Variants in PCA3 observed in about 807,000 individuals in gnomAD.
The protein encoded by PCA3 is Differential Display code 3.
chr9:76,775,473 T>C (rs375422752), intron 2 of PCA3, among the ~76,000 whole-genome samples: 4 of 72,658 alleles, frequency 5.5e-5, no homozygotes, highest in African/African-American at 4.9e-5. Flanking sequence ...ATTTTTGTGG[T>C]TTTTTTTTGT....
chr9:76,779,915 C>T (rs1361873881), intron 2 of PCA3: 2 of 152,130 alleles, frequency 1.3e-5, no homozygotes, highest in Non-Finnish European at 2.9e-5. Context: ...ACAAAGAAAT[C>T]GCATAAGGGC....
intron 2 of PCA3, among the ~76,000 whole-genome samples, chr9:76,765,322 A>G (rs2052228381): frequency 6.6e-6 from 1 of 152,208 alleles, no homozygotes; most frequent in African/African-American, 2.4e-5. Flanking sequence ...CATCAAGGAG[A>G]AGGAAGTAGT....
chr9:76,786,094 G>A (rs1311138556), intron 2 of PCA3: 1 of 152,150 alleles, frequency 6.6e-6, no homozygotes, highest in Non-Finnish European at 1.5e-5. Context: ...CAGGCGGTTT[G>A]AGAAATATTC....
At position 76,774,463 on chromosome 9, in the gene PCA3, T is replaced by TA. The variant is rs1487883612; in HGVS notation, n.853-34120_853-34119insA. On this transcript the variant is annotated intron_variant and non_coding_transcript_variant, in intron 2 of 5. Transcript: ENST00000644657. The stretch of plus-strand genomic sequence containing the variant: ...TCCAGTTCAACCCTTTTTTTTTTTT[T>TA]TTTTTTTTTTTTTTGAGATGGAGTC... Among the ~76,000 whole-genome samples the TA allele has an allele frequency of 4.9e-3, 687 of 141,092 alleles. 11 individuals carry two copies. Among genetic ancestry groups the TA allele is most frequent in the Admixed American group, 6.9e-3 (96 of 14,000 alleles). 92.6% of individuals were successfully genotyped at this position (141,092 alleles called of 152,430 possible). A position where few individuals can be genotyped will look rare whatever the true frequency, so the allele number is the denominator to read the frequency against.
intron 2 of PCA3, among the ~76,000 whole-genome samples, chr9:76,776,037 T>A (rs1047473699): frequency 5.9e-5 from 9 of 152,232 alleles, no homozygotes; most frequent in Admixed American, 5.9e-4. Context: ...CTTCTAAGCA[T>A]CCCTTCTTTA....
intron 2 of PCA3, among the ~76,000 whole-genome samples, chr9:76,780,646 G>A (rs1275012655): frequency 2.6e-5 from 4 of 152,136 alleles, no homozygotes; most frequent in African/African-American, 4.8e-5. Flanking sequence ...AGCTGAGATC[G>A]CCCCACTGCA....
chr9:76,774,973 T>C (rs1291372216), intron 2 of PCA3, among the ~76,000 whole-genome samples: 1 of 152,204 alleles, frequency 6.6e-6, no homozygotes, highest in Non-Finnish European at 1.5e-5. Context: ...ACTACACAGA[T>C]GAGTTATGAG....
chr9:76,775,434 C>T (rs1274981793), intron 2 of PCA3, among the ~76,000 whole-genome samples: 3 of 151,908 alleles, frequency 2.0e-5, no homozygotes, highest in African/African-American at 7.3e-5. Context: ...GTAGCTGGGA[C>T]TACAGGCATG....
At chr9:76,780,308 T>C (rs956689124) in intron 2 of PCA3, among the ~76,000 whole-genome samples, 7 of 151,868 alleles carry the variant, frequency 4.6e-5, no homozygotes, top group African/African-American at 1.7e-4. Flanking sequence ...CAGAGAGAAG[T>C]GAAAAATATC....
chr9:76,774,452 T>TTTTTTATTTATTTATTTATTTATTTA (rs1404326650), intron 2 of PCA3, among the ~76,000 whole-genome samples: 1 of 107,250 alleles, frequency 9.3e-6, no homozygotes, highest in Non-Finnish European at 1.9e-5. Flanking sequence ...GTTCAACCCT[T>TTTTTTATTTATTTATTTATTTATTTA]TTTTTTTTTT....
At chr9:76,783,329 G>T (rs1299224579) in intron 2 of PCA3, among the ~76,000 whole-genome samples, 1 of 152,010 alleles carries the variant, frequency 6.6e-6, no homozygotes, top group Non-Finnish European at 1.5e-5. Context: ...TAGAGATGGG[G>T]TTTCACCATA....
chr9:76,771,061 A>C (rs1564263569), intron 2 of PCA3, among the ~76,000 whole-genome samples: 1 of 152,170 alleles, frequency 6.6e-6, no homozygotes, highest in Admixed American at 6.5e-5. Context: ...TCGACAAAAA[A>C]TTATCTAAAG....
At chr9:76,780,655 C>T (rs1208052723) in intron 2 of PCA3, among the ~76,000 whole-genome samples, 2 of 152,204 alleles carry the variant, frequency 1.3e-5, no homozygotes, top group Non-Finnish European at 2.9e-5. Flanking sequence ...CGCCCCACTG[C>T]ACTCCAGCCT....
At chr9:76,786,898 G>A (rs2055042298) in intron 2 of PCA3, 1 of 152,120 alleles carries the variant, frequency 6.6e-6, no homozygotes, top group Admixed American at 6.5e-5. Flanking sequence ...GTGGCTCCTT[G>A]TGGTACATGC....
At chr9:76,772,252 T>C (rs1274893872) in intron 2 of PCA3, among the ~76,000 whole-genome samples, 3 of 152,196 alleles carry the variant, frequency 2.0e-5, no homozygotes, top group Non-Finnish European at 2.9e-5. Context: ...AGAATGATCA[T>C]AGCTTCTTAG....
chr9:76,774,952 C>T (rs2053577933), intron 2 of PCA3, among the ~76,000 whole-genome samples: 1 of 152,072 alleles, frequency 6.6e-6, no homozygotes, highest in Non-Finnish European at 1.5e-5. Flanking sequence ...GTAATGGGAA[C>T]ACTAATATCT....
chr9:76,766,609 G>C (rs1294527197), intron 2 of PCA3, among the ~76,000 whole-genome samples: 1 of 151,996 alleles, frequency 6.6e-6, no homozygotes, highest in Non-Finnish European at 1.5e-5. Flanking sequence ...TCCATGTTTT[G>C]GTCCTTACAT....
intron 2 of PCA3, among the ~76,000 whole-genome samples, chr9:76,777,518 C>T (rs903357808): frequency 2.6e-5 from 4 of 152,150 alleles, no homozygotes; most frequent in South Asian, 2.1e-4. Flanking sequence ...GACTCCTTTG[C>T]GCCTTCCCAA....
chr9:76,785,945 A>T (rs1220942063), intron 2 of PCA3: 1 of 152,204 alleles, frequency 6.6e-6, no homozygotes, highest in Non-Finnish European at 1.5e-5. Flanking sequence ...AGCAGCTGGA[A>T]ATGGACAACC....
Sources: allele counts gnomAD v4.1 joint callset (sites outside exome capture counted in the v4.1 genomes callset), GRCh38; gene constraint gnomAD v4.1.1; transcripts MANE v1.5; gene names NCBI Gene and HGNC (gene_info 2026-07-23, HGNC 2026-07-21).